Variants in RANBP2 observed in about 807,000 individuals in gnomAD.
RANBP2 encodes RAN binding protein 2.
In RANBP2, 57 loss-of-function variants were observed where a neutral mutation model predicts 303.6. The observed-to-expected ratio is 0.19, with a 90% CI of 0.15 to 0.23. RANBP2 has a LOEUF of 0.23. Among genes scored for constraint, RANBP2 ranks in the 10% least tolerant of loss-of-function variants. The pLI, the probability that RANBP2 is intolerant of heterozygous loss-of-function variation, is 1.00. For missense variants in RANBP2, 3,138 were observed against 3,780.8 expected (o/e 0.83, Z 4.46); for synonymous variants, 1,167 against 1,301.5 (o/e 0.90, Z 2.23).
At chr2:109,040,904 A>C in the RANBP2 span, among the ~76,000 whole-genome samples, 1 of 152,024 alleles carries the variant, frequency 6.6e-6, no homozygotes, top group Admixed American at 6.6e-5. Context: ...AAATACAAAA[A>C]AATTAGCCAG....
chr2:109,279,938 G>T, the RANBP2 span, among the ~76,000 whole-genome samples: 1 of 152,022 alleles, frequency 6.6e-6, no homozygotes, highest in South Asian at 2.1e-4. Context: ...GGTAAGAGGT[G>T]GAGGGTGAGG....
chr2:109,416,026 C>T, the RANBP2 span, among the ~76,000 whole-genome samples: 1 of 152,214 alleles, frequency 6.6e-6, no homozygotes, highest in Non-Finnish European at 1.5e-5. Context: ...ATGTGATGCT[C>T]TGCAGAGTCC....
At chr2:108,805,027 T>C in the RANBP2 span, 5 of 1,339,244 alleles carry the variant, frequency 3.7e-6, no homozygotes, top group Admixed American at 1.1e-4. Flanking sequence ...TGTTTTAATA[T>C]ATACTGAACA....
At position 108,731,566 on chromosome 2, in the gene RANBP2, C is replaced by T. The variant is rs1695171405; in HGVS notation, c.405+92C>T. 23 of 1,595,912 alleles carry T rather than the reference C, an allele frequency of 1.4e-5. 2 individuals carry two copies. The highest frequency in any genetic ancestry group is 1.5e-5 in the Non-Finnish European group (18 of 1,173,400). Reference sequence around the variant, plus strand: ...TTACTTTTCAATAGCAAACCTTAAGCCCAGGTGTTAGTGTTTCCTTTAAAA... The same window carrying T: ...TTACTTTTCAATAGCAAACCTTAAGTCCAGGTGTTAGTGTTTCCTTTAAAA... On this transcript the variant is annotated intron_variant, in intron 4 of 28. Coordinates refer to ENST00000283195, the MANE Select transcript of RANBP2 (RefSeq NM_006267.5).
At chr2:109,534,918 G>A in the RANBP2 span, among the ~76,000 whole-genome samples, 1 of 152,130 alleles carries the variant, frequency 6.6e-6, no homozygotes, top group Admixed American at 6.5e-5. Context: ...ACCCTGAGAA[G>A]GCCCCCTCCC....
chr2:108,786,989 C>G (rs1573876548), downstream of RANBP2: 2 of 1,072,232 alleles, frequency 1.9e-6, no homozygotes, highest in Non-Finnish European at 2.5e-6. Flanking sequence ...CCCGCGCAGC[C>G]GGCCTGGGGG....
the RANBP2 span, among the ~76,000 whole-genome samples, chr2:109,556,038 CTA>C: frequency 3.3e-5 from 5 of 152,174 alleles, no homozygotes; most frequent in Non-Finnish European, 5.9e-5. Flanking sequence ...ATCTCTGTGA[CTA>C]TCCAGCAGAG....
the RANBP2 span, among the ~76,000 whole-genome samples, chr2:109,412,878 A>C: frequency 6.6e-6 from 1 of 152,242 alleles, no homozygotes. Context: ...GTCAGAAATT[A>C]GATAAGCCTT....
chr2:108,731,273 A>G, intron 3 of RANBP2, 49 bp from the exon 4 acceptor site: 1 of 1,592,560 alleles, frequency 6.3e-7, no homozygotes, highest in Non-Finnish European at 8.6e-7. Flanking sequence ...ACTCCTACAT[A>G]CATACATACA....
At chr2:109,404,622 G>A in the RANBP2 span, among the ~76,000 whole-genome samples, 4 of 152,164 alleles carry the variant, frequency 2.6e-5, no homozygotes, top group African/African-American at 9.7e-5. Flanking sequence ...GCCTGGGCAG[G>A]TGGGGTGTGG....
At chr2:109,661,910 C>G in the RANBP2 span, among the ~76,000 whole-genome samples, 1 of 152,116 alleles carries the variant, frequency 6.6e-6, no homozygotes, top group Non-Finnish European at 1.5e-5. Flanking sequence ...TTGACTTCTC[C>G]CTCTTCCCTA....
chr2:108,824,049 G>C, the RANBP2 span, among the ~76,000 whole-genome samples: 1 of 152,136 alleles, frequency 6.6e-6, no homozygotes, highest in East Asian at 1.9e-4. Context: ...TGTACGACTA[G>C]AAGTTGCTCT....
the RANBP2 span, among the ~76,000 whole-genome samples, chr2:109,771,029 T>C: frequency 1.4e-3 from 1 of 716 alleles, no homozygotes; most frequent in Non-Finnish European, 2.7e-3. Flanking sequence ...AAAAGTCGTC[T>C]ACAAAACTGG....
chr2:109,037,340 AAAAAAGAAC>A, the RANBP2 span, among the ~76,000 whole-genome samples: 955 of 151,558 alleles, frequency 6.3e-3, 5 homozygotes, highest in East Asian at 0.032. Flanking sequence ...AAAAAAAAAA[AAAAAAGAAC>A]CAAATACTTA....
the RANBP2 span, among the ~76,000 whole-genome samples, chr2:109,570,758 G>A: frequency 5.3e-5 from 8 of 152,006 alleles, no homozygotes; most frequent in African/African-American, 1.5e-4. Flanking sequence ...TCCTGACCTC[G>A]TGATCCACCT....
chr2:109,701,699 C>A, the RANBP2 span, among the ~76,000 whole-genome samples: 1 of 152,074 alleles, frequency 6.6e-6, no homozygotes, highest in Non-Finnish European at 1.5e-5. Flanking sequence ...TTCCTGTGGG[C>A]AAATTGTGAG....
chr2:108,798,621 TTTC>T, the RANBP2 span: 3 of 1,462,328 alleles, frequency 2.1e-6, no homozygotes, highest in African/African-American at 2.9e-5. Flanking sequence ...GAGTGGTATA[TTTC>T]TTCTTTTCTT....
At chr2:108,979,717 C>T in the RANBP2 span, among the ~76,000 whole-genome samples, 1 of 152,140 alleles carries the variant, frequency 6.6e-6, no homozygotes, top group Non-Finnish European at 1.5e-5. Flanking sequence ...AGGGCTTGAG[C>T]AGGTCCAGGC....
In RANBP2 at chr2:108,783,638, A is replaced by T. The variant is rs1678414931; in HGVS notation, c.9412A>T (p.Ile3138Phe). 2 of 1,612,430 alleles carry T rather than the reference A, an allele frequency of 1.2e-6. No individual in the cohort carries two copies. Residue 3138 changes from isoleucine to phenylalanine, a missense_variant, in exon 29 of 29, where the codon ATT becomes TTT. This residue lies in a region of RANBP2 where 204 missense variants were observed against 228.4 expected (regional missense o/e 0.89). Transcript: ENST00000283195. ...ACATGATGGAACAGGCGGACAGTCC[A>T]TTTATGGAGACAAATTTGAAGATGA... is the stretch of plus-strand genomic sequence containing the variant. ...TKHDGTGGQS[I>F]YGDKFEDENF...
Sources: gnomAD v4.1 joint callset for allele counts (sites outside exome capture counted in the v4.1 genomes callset) on GRCh38, gnomAD v4.1.1 for gene constraint, gnomAD v4.1.1 regional missense constraint, MANE v1.5 for transcripts, NCBI Gene and HGNC (gene_info 2026-07-23, HGNC 2026-07-21) for gene names.